Variants in GPC5 observed in about 807,000 individuals in gnomAD.
GPC5 encodes the protein glypican 5.
GPC5 carries 47 observed loss-of-function variants against 53.9 expected under a neutral mutation model. That is an observed-to-expected ratio of 0.87 (90% CI 0.69 to 1.11). GPC5 has a LOEUF of 1.11. Among genes scored for constraint, GPC5 ranks in the 50% most tolerant of loss-of-function variants. The pLI is 0.00. For missense variants in GPC5, 748 were observed against 713.1 expected (o/e 1.05, Z -0.56); for synonymous variants, 286 against 263.3 (o/e 1.09, Z -0.84).
In GPC5 at chr13:92,362,615, A is replaced by C. The variant is rs143840999; in HGVS notation, c.1561+217626A>C. Reference sequence around the variant, plus strand: ...AAAAATTCTTCCCCTGCCTTTGAAAATCTCAGCACATAATTCACCTCAGCA... The same window carrying C: ...AAAAATTCTTCCCCTGCCTTTGAAACTCTCAGCACATAATTCACCTCAGCA... On this transcript the variant is annotated intron_variant, in intron 7 of 7. Transcript: ENST00000377067. Among the ~76,000 whole-genome samples, 663 of 151,716 alleles carry C rather than the reference A, an allele frequency of 4.4e-3. 6 individuals carry two copies. The highest frequency in any genetic ancestry group is 0.014 in the Middle Eastern group (4 of 294).
intron 2 of GPC5, among the ~76,000 whole-genome samples, chr13:91,466,541 A>G (rs1281067906): frequency 6.6e-6 from 1 of 152,144 alleles, no homozygotes; most frequent in East Asian, 1.9e-4. Flanking sequence ...TTGACTTAGG[A>G]TTCCAGGTCA....
intron 2 of GPC5, among the ~76,000 whole-genome samples, chr13:91,541,341 T>C (rs1376185704): frequency 2.0e-5 from 3 of 152,198 alleles, no homozygotes; most frequent in Non-Finnish European, 4.4e-5. Context: ...TGGTCAATAC[T>C]TTCCCCTAGT....
At chr13:92,636,369 G>GAT (rs1885405221) in intron 7 of GPC5, among the ~76,000 whole-genome samples, 2 of 152,066 alleles carry the variant, frequency 1.3e-5, no homozygotes, top group Admixed American at 6.6e-5. Flanking sequence ...AAGAGTTTTT[G>GAT]ATATATATAG....
At chr13:92,329,899 T>C (rs758488849) in intron 7 of GPC5, among the ~76,000 whole-genome samples, 2 of 152,168 alleles carry the variant, frequency 1.3e-5, no homozygotes, top group Admixed American at 6.6e-5. Flanking sequence ...GAAAAGCAAA[T>C]TGTGCTCTCC....
At chr13:91,555,149 G>T (rs2030871419) in intron 2 of GPC5, among the ~76,000 whole-genome samples, 1 of 151,956 alleles carries the variant, frequency 6.6e-6, no homozygotes, top group South Asian at 2.1e-4. Flanking sequence ...GTTCCCCCCA[G>T]TGGTAACATT....
At chr13:91,996,902 T>C (rs532684682) in intron 6 of GPC5, among the ~76,000 whole-genome samples, 3 of 152,306 alleles carry the variant, frequency 2.0e-5, no homozygotes, top group Non-Finnish European at 2.9e-5. Context: ...TATTGTTATG[T>C]AGTATTGTAT....
chr13:92,461,024 A>G (rs977584500), intron 7 of GPC5, among the ~76,000 whole-genome samples: 1 of 152,166 alleles, frequency 6.6e-6, no homozygotes, highest in Non-Finnish European at 1.5e-5. Context: ...TTAAAAATAG[A>G]TGAGTAAGAC....
chr13:91,762,345 A>C (rs1288953279), intron 5 of GPC5, among the ~76,000 whole-genome samples: 1 of 151,968 alleles, frequency 6.6e-6, no homozygotes, highest in East Asian at 1.9e-4. Flanking sequence ...TCTAGCTGGA[A>C]AGCCACTTCA....
At chr13:91,775,603 G>A (rs911408179) in intron 5 of GPC5, among the ~76,000 whole-genome samples, 1 of 152,030 alleles carries the variant, frequency 6.6e-6, no homozygotes, top group African/African-American at 2.4e-5. Flanking sequence ...TATGGTTTGG[G>A]GCAGGCATTT....
intron 7 of GPC5, among the ~76,000 whole-genome samples, chr13:92,830,072 C>T (rs1049095240): frequency 1.3e-5 from 2 of 152,014 alleles, no homozygotes; most frequent in Non-Finnish European, 2.9e-5. Context: ...CTTTCATGAC[C>T]TCATAACTAC....
chr13:91,647,480 T>C (rs868650801), intron 2 of GPC5, among the ~76,000 whole-genome samples: 1 of 152,244 alleles, frequency 6.6e-6, no homozygotes, highest in African/African-American at 2.4e-5. Context: ...CTGACCTGAC[T>C]GAGGGCCCAG....
intron 6 of GPC5, among the ~76,000 whole-genome samples, chr13:91,912,366 A>G (rs2039617697): frequency 6.6e-6 from 1 of 152,148 alleles, no homozygotes; most frequent in South Asian, 2.1e-4. Context: ...AACAACAACA[A>G]CAAAGAATAA....
chr13:91,964,686 C>T (rs1263063977), intron 6 of GPC5, among the ~76,000 whole-genome samples: 1 of 152,118 alleles, frequency 6.6e-6, no homozygotes, highest in Non-Finnish European at 1.5e-5. Context: ...CACCCAAAAG[C>T]CCAGCCAGCT....
intron 7 of GPC5, among the ~76,000 whole-genome samples, chr13:92,637,704 C>A (rs527840020): frequency 6.6e-6 from 1 of 152,166 alleles, no homozygotes; most frequent in Admixed American, 6.6e-5. Flanking sequence ...AGGTAAAATT[C>A]ACTATGTCCA....
intron 7 of GPC5, among the ~76,000 whole-genome samples, chr13:92,451,359 T>C (rs1878055420): frequency 6.6e-6 from 1 of 152,168 alleles, no homozygotes; most frequent in African/African-American, 2.4e-5. Flanking sequence ...CTAGGTCTAC[T>C]CAGGACATCT....
intron 6 of GPC5, among the ~76,000 whole-genome samples, chr13:91,947,045 G>A (rs745452439): frequency 6.6e-6 from 1 of 152,158 alleles, no homozygotes; most frequent in South Asian, 2.1e-4. Context: ...GTTCACGCAG[G>A]GCTTTTAAGG....
chr13:92,125,205 T>C (rs948474120), intron 6 of GPC5, among the ~76,000 whole-genome samples: 1 of 152,178 alleles, frequency 6.6e-6, no homozygotes, highest in African/African-American at 2.4e-5. Context: ...GTGAGTGAAT[T>C]TGGAAATAAA....
intron 5 of GPC5, among the ~76,000 whole-genome samples, chr13:91,870,966 G>T (rs551971228): frequency 9.1e-4 from 138 of 152,262 alleles, no homozygotes; most frequent in Non-Finnish European, 1.4e-3. Context: ...GAGATATGTT[G>T]GGGATGGGAC....
At chr13:92,069,872 T>C (rs921368402) in intron 6 of GPC5, among the ~76,000 whole-genome samples, 16 of 152,142 alleles carry the variant, frequency 1.1e-4, no homozygotes, top group African/African-American at 3.4e-4. Context: ...TCTAAGTAAA[T>C]GTTGCAAGCA....
Sources: allele counts gnomAD v4.1 joint callset (sites outside exome capture counted in the v4.1 genomes callset), GRCh38; gene constraint gnomAD v4.1.1; transcripts MANE v1.5; gene names NCBI Gene and HGNC (gene_info 2026-07-23, HGNC 2026-07-21).